The following USP42 variants were observed in gnomAD, a reference collection of about 807,000 sequenced individuals.
USP42 encodes ubiquitin specific peptidase 42, also known as ubiquitin carboxyl-terminal hydrolase 42.
Under a neutral mutation model 113.0 loss-of-function variants are expected in USP42, and 23 were observed. That is an observed-to-expected ratio of 0.20 (90% confidence interval 0.15 to 0.29). The LOEUF is 0.29. Among genes scored for constraint, USP42 ranks in the 10% least tolerant of loss-of-function variants. The pLI is 1.00. For synonymous variants in USP42, 933 were observed against 699.0 expected (o/e 1.33, Z -5.28); for missense variants, 2,174 against 1,779.8 (o/e 1.22, Z -3.99).
intron 3 of USP42, among the ~76,000 whole-genome samples, chr7:6,117,177 C>T (rs1779958436): frequency 6.6e-6 from 1 of 152,178 alleles, no homozygotes; most frequent in Non-Finnish European, 1.5e-5. Context: ...CCCGATGCCC[C>T]TTTGAAATCA....
In USP42 at chr7:6,139,031, G is replaced by A; in HGVS notation, c.554-61G>A. On this transcript the variant is annotated intron_variant, in intron 4 of 17. Transcript: ENST00000306177. The surrounding 1 kb of genome is among the most constrained non-coding windows in gnomAD (Gnocchi z 4.5). ...ATATTATTATAAGATATATTTTGGG[G>A]GGTACAACTTAGGCTTATTACGTGT... is the stretch of plus-strand genomic sequence containing the variant. The A allele has an allele frequency of 2.8e-6, 3 of 1,056,008 alleles. No individual in the cohort carries two copies. The highest frequency in any genetic ancestry group is 4.2e-6 in the Non-Finnish European group (3 of 721,980). The allele number at this position is 1,056,008 out of a possible 1,614,324, so 65.4% of individuals were successfully genotyped here. A position where few individuals can be genotyped will look rare whatever the true frequency, so the allele number is the denominator to read the frequency against.
chr7:6,128,093 G>T (rs1056982097), intron 3 of USP42: 2 of 151,824 alleles, frequency 1.3e-5, no homozygotes, highest in African/African-American at 4.8e-5. Flanking sequence ...GACTACAGGC[G>T]TGTCCCACCA....
At chr7:6,146,103 TTTAA>T in intron 10 of USP42, 41 bp from the exon 11 acceptor site, 1 of 1,324,012 alleles carries the variant, frequency 7.6e-7, no homozygotes, top group Non-Finnish European at 1.0e-6. Context: ...ATGTTCCATG[TTTAA>T]TTAAATCTAA....
At chr7:6,118,182 C>G (rs969562501) in intron 3 of USP42, among the ~76,000 whole-genome samples, 10 of 151,934 alleles carry the variant, frequency 6.6e-5, no homozygotes, top group African/African-American at 2.4e-4. Context: ...TCACTTGAGC[C>G]CAGGATTTCA....
intron 3 of USP42, among the ~76,000 whole-genome samples, chr7:6,124,331 G>C (rs1000366793): frequency 6.6e-6 from 1 of 151,996 alleles, no homozygotes; most frequent in Admixed American, 6.6e-5. Flanking sequence ...GCAGTGGCGC[G>C]ATCTCGGCTC....
chr7:6,105,890 C>G (rs1779253503), intron 1 of USP42, among the ~76,000 whole-genome samples: 1 of 152,192 alleles, frequency 6.6e-6, no homozygotes, highest in Non-Finnish European at 1.5e-5. Context: ...CGTGGGGTCA[C>G]TTGTTTATGG....
intron 3 of USP42, among the ~76,000 whole-genome samples, chr7:6,123,617 C>G (rs545476970): frequency 6.6e-6 from 1 of 151,822 alleles, no homozygotes; most frequent in Non-Finnish European, 1.5e-5. Flanking sequence ...GAGCCGAGAT[C>G]GCGCCACTGC....
Position 6,154,480 on chromosome 7 carries a change from C to A in USP42, c.2926C>A (p.His976Asn), listed in dbSNP as rs1298679673. ...AGAGAGCAGGAGCAAGACTGAGGGC[C>A]ACCGTCACCGGCGGCGCCGCACCTG... ...ARESRSKTEG[H>N]RHRRRRTCPR... The change falls in exon 15 of 18, where the codon CAC (histidine) becomes AAC (asparagine). Residue 976 changes from histidine (H) to asparagine (N), a missense_variant. Physicochemically the swap from His to Asn is moderately conservative, Grantham distance 68 (BLOSUM62 1). Transcript: ENST00000306177. The A allele has an allele frequency of 1.3e-6, 2 of 1,552,114 alleles. No individual in the cohort carries two copies. Among genetic ancestry groups the A allele is most frequent in the Non-Finnish European group, 1.7e-6 (2 of 1,148,804 alleles).
the USP42 span, among the ~76,000 whole-genome samples, chr7:6,090,300 CAAA>C: frequency 9.7e-6 from 1 of 103,092 alleles, no homozygotes; most frequent in Non-Finnish European, 1.8e-5. Context: ...AACTCTGTCT[CAAA>C]AAAAAAAAAA....
Position 6,139,549 on chromosome 7 carries a change from C to A in USP42, c.656+355C>A. ...TTTCTTTTCTCTGCTGCCCTCCAGC[C>A]TGTGTTTATTTCCTGAACCCCCACC... On this transcript the variant is annotated intron_variant, in intron 5 of 17. Coordinates refer to ENST00000306177, the MANE Select transcript of USP42 (RefSeq NM_032172.3). This position sits in a 1 kb window ranked among gnomAD's most constrained non-coding sequence, Gnocchi z 4.5. The A allele has an allele frequency of 4.8e-6, 1 of 207,998 alleles. No homozygotes were observed. The highest frequency in any genetic ancestry group is 9.6e-6 in the Non-Finnish European group (1 of 104,538). 12.9% of individuals were successfully genotyped at this position (207,998 alleles called of 1,614,324 possible). A position where few individuals can be genotyped will look rare whatever the true frequency, so the allele number is the denominator to read the frequency against.
In USP42 at chr7:6,149,747, T is replaced by C. The variant is rs1277854575; in HGVS notation, c.1551T>C (p.Pro517=). The change falls in exon 13 of 18, where the codon CCT becomes CCC. Residue 517 remains proline, a synonymous_variant. Transcript: ENST00000306177. ...VNRSSVIPEH[P]KKQKITISIH... is the part of the protein sequence containing the mutation. ...GGTCCTCAGTGATCCCAGAACATCC[T>C]AAGAAACAAAAAATTACAATCAGTA... 1.1e-5 allele frequency: 17 copies of C among 1,613,816 alleles called. No homozygotes were observed. In the Admixed American group the frequency reaches 2.7e-4, roughly 25 times the overall value.
At chr7:6,099,211 CT>C in the USP42 span, among the ~76,000 whole-genome samples, 166 of 98,780 alleles carry the variant, frequency 1.7e-3, 1 homozygote, top group South Asian at 2.3e-3. Context: ...TGTTCCCTCT[CT>C]TTTTTTTTTT....
chr7:6,139,771 CG>C lies in USP42; in HGVS notation c.657-355del. The C allele has an allele frequency of 2.9e-6, 1 of 350,098 alleles. No homozygotes were observed. Among genetic ancestry groups the C allele is most frequent in the Non-Finnish European group, 5.4e-6 (1 of 186,456 alleles). 21.7% of individuals were successfully genotyped at this position (350,098 alleles called of 1,614,324 possible). On this transcript the variant is annotated intron_variant, in intron 5 of 17. Coordinates refer to ENST00000306177, the MANE Select transcript of USP42 (RefSeq NM_032172.3). The surrounding 1 kb of genome is among the most constrained non-coding windows in gnomAD (Gnocchi z 4.5). ...TGTCCGGGTGATGACATACTTGGGT[CG>C]GAGGAAGACTCTCTGCCTTTTCCGC... is the stretch of plus-strand genomic sequence containing the variant.
chr7:6,138,985 T>A, intron 4 of USP42, 107 bp from the exon 5 acceptor site: 1 of 673,856 alleles, frequency 1.5e-6, no homozygotes. Context: ...AAAGTAAGTA[T>A]TTGGGAGTTT....
chr7:6,081,895 T>C, the USP42 span: 1 of 152,150 alleles, frequency 6.6e-6, no homozygotes, highest in Non-Finnish European at 1.5e-5. Flanking sequence ...AACACTAACA[T>C]ATATAGAAAT....
At chr7:6,120,486 G>T (rs1780161956) in intron 3 of USP42, among the ~76,000 whole-genome samples, 1 of 151,608 alleles carries the variant, frequency 6.6e-6, no homozygotes, top group South Asian at 2.1e-4. Flanking sequence ...CAAGTGATCT[G>T]CCCGACTCGG....
At chr7:6,082,705 G>A in the USP42 span, among the ~76,000 whole-genome samples, 2 of 134,046 alleles carry the variant, frequency 1.5e-5, no homozygotes, top group Non-Finnish European at 3.1e-5. Context: ...CTGCCTCCCA[G>A]GTTCAAGCAA....
chr7:6,145,378 T>C, intron 9 of USP42, 138 bp from the exon 10 acceptor site: 1 of 991,716 alleles, frequency 1.0e-6, no homozygotes, highest in Non-Finnish European at 1.5e-6. Flanking sequence ...TTAAATGCAT[T>C]AGGTTTTTGC....
chr7:6,106,154 A>G (rs920541139), intron 1 of USP42, among the ~76,000 whole-genome samples: 12 of 152,214 alleles, frequency 7.9e-5, no homozygotes, highest in African/African-American at 2.9e-4. Context: ...TCTCTTCTGT[A>G]TCTTTGAATC....
Sources: allele counts gnomAD v4.1 joint callset (sites outside exome capture counted in the v4.1 genomes callset), GRCh38; gene constraint gnomAD v4.1.1; non-coding constraint Gnocchi (gnomAD v3.1); transcripts MANE v1.5; gene names NCBI Gene and HGNC (gene_info 2026-07-23, HGNC 2026-07-21).